Variants in C6 observed in about 807,000 individuals in gnomAD.
C6 encodes complement component C6.
C6 carries 101 observed loss-of-function variants against 112.9 expected under a neutral mutation model. The observed-to-expected ratio is 0.89, with a 90% CI of 0.76 to 1.06. C6 has a LOEUF of 1.06. Among genes scored for constraint, C6 ranks in the 50% least tolerant of loss-of-function variants. The probability of loss-of-function intolerance (pLI) is 0.00; values close to 1 mark genes in which losing one functional copy is unlikely to be tolerated. For missense variants in C6, 1,202 were observed against 1,104.6 expected (o/e 1.09, Z -1.25); for synonymous variants, 431 against 384.1 (o/e 1.12, Z -1.43).
At chr5:41,183,049 G>A (rs1035356191) in intron 6 of C6, among the ~76,000 whole-genome samples, 8 of 152,196 alleles carry the variant, frequency 5.3e-5, no homozygotes, top group African/African-American at 1.9e-4. Flanking sequence ...TAGCTCTCTG[G>A]GAAGGGGAAG....
intron 1 of C6, among the ~76,000 whole-genome samples, chr5:41,240,093 C>A (rs1397013620): frequency 6.6e-6 from 1 of 152,140 alleles, no homozygotes; most frequent in African/African-American, 2.4e-5. Context: ...GATCTTTGAG[C>A]TTCCTGTATC....
chr5:41,224,247 T>C (rs1175771318), intron 1 of C6, among the ~76,000 whole-genome samples: 1 of 152,184 alleles, frequency 6.6e-6, no homozygotes, highest in Non-Finnish European at 1.5e-5. Flanking sequence ...TTTATTGAGA[T>C]GTAATTCACT....
intron 1 of C6, among the ~76,000 whole-genome samples, chr5:41,223,274 A>G (rs978788953): frequency 1.3e-5 from 2 of 152,212 alleles, no homozygotes; most frequent in Admixed American, 1.3e-4. Context: ...AAAAACTGTG[A>G]TGATTTCGTT....
chr5:41,165,566 A>G (rs1192784163), intron 9 of C6, among the ~76,000 whole-genome samples: 2 of 151,984 alleles, frequency 1.3e-5, no homozygotes, highest in Admixed American at 1.3e-4. Flanking sequence ...TCTTTTGTGA[A>G]GGGCTTATTC....
chr5:41,218,530 G>A (rs529109908), upstream of C6, among the ~76,000 whole-genome samples: 2 of 152,176 alleles, frequency 1.3e-5, no homozygotes, highest in South Asian at 4.2e-4. Flanking sequence ...TTCTTAAAAT[G>A]CAGGTCATTC....
At chr5:41,171,214 A>C (rs187190351) in intron 9 of C6, among the ~76,000 whole-genome samples, 6 of 152,284 alleles carry the variant, frequency 3.9e-5, no homozygotes, top group African/African-American at 1.4e-4. Flanking sequence ...TGAATTGTGC[A>C]TGGTTACTTA....
At chr5:41,172,477 A>G in intron 8 of C6, 130 bp from the exon 9 acceptor site, 1 of 879,478 alleles carries the variant, frequency 1.1e-6, no homozygotes, top group Non-Finnish European at 1.8e-6. Context: ...AGTCCCCATA[A>G]TCTTAAGTGA....
At chr5:41,254,443 T>A (rs1741558268) in intron 1 of C6, among the ~76,000 whole-genome samples, 2 of 152,134 alleles carry the variant, frequency 1.3e-5, no homozygotes, top group Admixed American at 1.3e-4. Flanking sequence ...ATAATTTTTG[T>A]CTTCTCCTTA....
chr5:41,186,575 C>T (rs1749785689), intron 5 of C6, among the ~76,000 whole-genome samples: 1 of 152,076 alleles, frequency 6.6e-6, no homozygotes, highest in African/African-American at 2.4e-5. Context: ...AGGTCTACTT[C>T]TTTCTGAGTG....
chr5:41,202,397 C>T (rs1751096339), intron 2 of C6, among the ~76,000 whole-genome samples: 1 of 152,120 alleles, frequency 6.6e-6, no homozygotes, highest in Admixed American at 6.5e-5. Flanking sequence ...TCTGTTTTCA[C>T]ATATATAGTA....
Position 41,233,375 on chromosome 5 carries a change from T to C in C6, c.-21+27819A>G, listed in dbSNP as rs116489676. 3.4e-3 allele frequency among the ~76,000 whole-genome samples: 523 copies of C among 152,200 alleles called. 3 individuals are homozygous for C. Among genetic ancestry groups the C allele is most frequent in the African/African-American group, 0.012 (506 of 41,576 alleles). ...TGTTACCATTGTTTCTTGATGGATATTCTACAAAAAGTGTAAATGGGCTAT... is the reference window on the plus strand; with the variant it reads ...TGTTACCATTGTTTCTTGATGGATACTCTACAAAAAGTGTAAATGGGCTAT... On this transcript the variant is annotated intron_variant, in intron 1 of 17. Transcript: ENST00000263413.
chr5:41,232,085 T>G (rs1303284852), intron 1 of C6, among the ~76,000 whole-genome samples: 1 of 152,168 alleles, frequency 6.6e-6, no homozygotes, highest in Non-Finnish European at 1.5e-5. Flanking sequence ...GCTGTCTTTG[T>G]TGTATCCCTG....
chr5:41,257,828 A>G (rs1741813696), intron 1 of C6, among the ~76,000 whole-genome samples: 5 of 151,924 alleles, frequency 3.3e-5, no homozygotes, highest in Middle Eastern at 3.2e-3. Context: ...TTCCCTTTTT[A>G]TTTTTTTGGC....
chr5:41,255,953 G>T (rs940246181), intron 1 of C6, among the ~76,000 whole-genome samples: 3 of 152,152 alleles, frequency 2.0e-5, no homozygotes, highest in Non-Finnish European at 2.9e-5. Flanking sequence ...GGAAGTATGG[G>T]GTTACATTCC....
At chr5:41,253,072 G>A (rs1200078053) in intron 1 of C6, among the ~76,000 whole-genome samples, 1 of 152,222 alleles carries the variant, frequency 6.6e-6, no homozygotes, top group African/African-American at 2.4e-5. Context: ...TATTTTTGAA[G>A]AGGGGAAGAA....
At chr5:41,145,446 G>A (rs1268040519) in intron 17 of C6, among the ~76,000 whole-genome samples, 1 of 152,142 alleles carries the variant, frequency 6.6e-6, no homozygotes, top group Non-Finnish European at 1.5e-5. Context: ...GCAGGTATAA[G>A]TGTACAAAAA....
chr5:41,251,745 C>T (rs1008788025), intron 1 of C6, among the ~76,000 whole-genome samples: 1 of 152,222 alleles, frequency 6.6e-6, no homozygotes, highest in Non-Finnish European at 1.5e-5. Context: ...CAATGTAGGA[C>T]AGACTAGGCT....
chr5:41,242,760 A>G (rs1450801866), intron 1 of C6, among the ~76,000 whole-genome samples: 1 of 152,194 alleles, frequency 6.6e-6, no homozygotes, highest in Non-Finnish European at 1.5e-5. Flanking sequence ...TGGTACGTCA[A>G]CAGATGAATG....
intron 17 of C6, 112 bp downstream of exon 17, chr5:41,149,129 A>C: frequency 1.5e-6 from 2 of 1,328,850 alleles, no homozygotes; most frequent in South Asian, 1.2e-5. Flanking sequence ...TTTTTTTTAC[A>C]ATGAAAAGGA....
Sources: allele counts gnomAD v4.1 joint callset (sites outside exome capture counted in the v4.1 genomes callset), GRCh38; gene constraint gnomAD v4.1.1; transcripts MANE v1.5; gene names NCBI Gene and HGNC (gene_info 2026-07-23, HGNC 2026-07-21).